DST: variants seen among roughly 807,000 people sequenced by gnomAD.
DST encodes the protein bullous pemphigoid antigen.
DST carries 253 observed loss-of-function variants against 875.2 expected under a neutral mutation model. That is an observed-to-expected ratio of 0.29 (90% CI 0.26 to 0.32). The LOEUF (loss-of-function observed/expected upper bound fraction) is 0.32, where lower values mean the gene tolerates loss of function less well. Among genes scored for constraint, DST ranks in the 10% least tolerant of loss-of-function variants. The pLI is 1.00. For missense variants in DST, 8,287 were observed against 9,111.6 expected, an observed-to-expected ratio of 0.91 and a Z score of 3.68; for synonymous variants, 3,124 against 3,197.1, an observed-to-expected ratio of 0.98 and a Z score of 0.77.
At position 56,610,618 on chromosome 6, in the gene DST, A is replaced by G; in HGVS notation, c.5148-56T>C. The G allele has an allele frequency of 3.5e-6, 5 of 1,439,374 alleles. No individual in the cohort carries two copies. The South Asian group carries it at 6.8e-5, about 19-fold the overall frequency. The allele number at this position is 1,439,374 out of a possible 1,614,324, so 89.2% of individuals were successfully genotyped here. A position where few individuals can be genotyped will look rare whatever the true frequency, so the allele number is the denominator to read the frequency against. On this transcript the variant is annotated intron_variant, in intron 38 of 103. Transcript: ENST00000680361. ...TGCAAGTCGTCCTCAAGAGATAAAG[A>G]TGTATTAGGTTCAATAATTTTGTCA...
At chr6:56,536,552 C>T (rs186547144) in intron 62 of DST, among the ~76,000 whole-genome samples, 141 of 152,192 alleles carry the variant, frequency 9.3e-4, no homozygotes, top group African/African-American at 2.9e-3. Context: ...TGATTAAAGG[C>T]GAGATAACAG....
At chr6:56,574,397 C>T (rs558374301) in intron 50 of DST, among the ~76,000 whole-genome samples, 56 of 152,256 alleles carry the variant, frequency 3.7e-4, no homozygotes, top group Non-Finnish European at 4.9e-4. Flanking sequence ...TTCATACACA[C>T]GCATGCTAAG....
chr6:56,625,477 G>A (rs904598492), intron 34 of DST, among the ~76,000 whole-genome samples: 1 of 152,084 alleles, frequency 6.6e-6, no homozygotes, highest in Non-Finnish European at 1.5e-5. Flanking sequence ...AAGACAGACC[G>A]TATACATGAT....
In DST at chr6:56,603,859, G is replaced by C. The variant is rs747723475; in HGVS notation, c.10769C>G (p.Ser3590Cys). Reference sequence around the variant, plus strand: ...TACTTGTTCGGTTGAGCTATCTCCAGAAGCCATCTCTTTAGACCCTGAAGT... The same window carrying C: ...TACTTGTTCGGTTGAGCTATCTCCACAAGCCATCTCTTTAGACCCTGAAGT... ...ECTSGSKEMA[S>C]GDSSTEQFSS... The change falls in exon 40 of 104, where the codon TCT becomes TGT. Residue 3590 changes from serine to cysteine, a missense_variant. By Grantham distance (112) the Ser-to-Cys change is moderately radical. Around this residue, in one of 10 missense-constraint regions of DST, gnomAD observed 3,138 missense variants for 3,116.6 expected, o/e 1.01. Transcript: ENST00000680361. The C allele has an allele frequency of 5.6e-6, 9 of 1,610,524 alleles. No individual in the cohort carries two copies. In the Admixed American group the frequency reaches 8.4e-5, roughly 15 times the overall value.
At chr6:56,729,676 T>C (rs1033052783) in intron 5 of DST, among the ~76,000 whole-genome samples, 2 of 152,188 alleles carry the variant, frequency 1.3e-5, no homozygotes, top group South Asian at 2.1e-4. Context: ...CTCGATCACT[T>C]TGCAATGGTC....
Position 56,606,519 on chromosome 6 carries a change from A to C in DST, c.8109T>G (p.Gly2703=), listed in dbSNP as rs1188608976. 2 of 1,613,380 alleles carry C rather than the reference A, an allele frequency of 1.2e-6. No homozygotes were observed. The highest frequency in any genetic ancestry group is 1.7e-6 in the Non-Finnish European group (2 of 1,179,580). The change falls in exon 40 of 104, where the codon GGT becomes GGG. Residue 2703 remains glycine (G), a synonymous_variant. Transcript: ENST00000680361. ...CAACAGGATTTAAATGTATTTTTTC[A>C]CCAGAATCTAATTCATCTTTCTCAA... ...MDVEKDELDS[G]EKIHLNPVGS...
chr6:56,825,399 A>G (rs1307458178), intron 4 of DST, among the ~76,000 whole-genome samples: 1 of 148,380 alleles, frequency 6.7e-6, no homozygotes, highest in South Asian at 2.1e-4. Context: ...AAAACCAGAG[A>G]CCTTTGTTCA....
Position 56,755,435 on chromosome 6 carries a change from A to G in DST, c.626-20146T>C, listed in dbSNP as rs2099599602. ...AATAAAATCACACTGCATTGGCAGA[A>G]TACTTTCATGTAATTACCCCACTTT... is the stretch of plus-strand genomic sequence containing the variant. On this transcript the variant is annotated intron_variant, in intron 4 of 103. Coordinates refer to ENST00000680361, the MANE Select transcript of DST (RefSeq NM_001374736.1). 2.0e-5 allele frequency among the ~76,000 whole-genome samples: 3 copies of G among 152,238 alleles called. No homozygotes were observed. In the South Asian group the frequency reaches 6.2e-4, roughly 31 times the overall value.
chr6:56,494,221 T>C (rs371758379), intron 82 of DST, 41 bp from the exon 83 acceptor site: 77 of 1,538,996 alleles, frequency 5.0e-5, no homozygotes, highest in Non-Finnish European at 6.4e-5. Context: ...TTTAAGAAAG[T>C]AAAATTTAAG....
At chr6:56,541,179 T>C (rs1186156860) in intron 61 of DST, 3 of 152,680 alleles carry the variant, frequency 2.0e-5, no homozygotes, top group Admixed American at 6.5e-5. Context: ...CTATGCTCTT[T>C]CTTTTCCGCA....
intron 3 of DST, among the ~76,000 whole-genome samples, chr6:56,857,661 AT>A (rs1437462013): frequency 2.0e-5 from 3 of 152,146 alleles, no homozygotes; most frequent in Non-Finnish European, 4.4e-5. Context: ...AAAACAGAAA[AT>A]TTTTTCTCCA....
At chr6:56,480,959 A>G (rs1411450194) in intron 90 of DST, among the ~76,000 whole-genome samples, 1 of 152,220 alleles carries the variant, frequency 6.6e-6, no homozygotes, top group East Asian at 1.9e-4. Flanking sequence ...AAAATATTGA[A>G]CTGACTCAAA....
intron 5 of DST, among the ~76,000 whole-genome samples, chr6:56,718,201 G>A (rs2099401630): frequency 6.6e-6 from 1 of 152,096 alleles, no homozygotes; most frequent in African/African-American, 2.4e-5. Flanking sequence ...CCCTATCCTA[G>A]GTGACAGAGC....
intron 85 of DST, among the ~76,000 whole-genome samples, chr6:56,490,556 T>C (rs941086539): frequency 6.6e-6 from 1 of 152,098 alleles, no homozygotes; most frequent in African/African-American, 2.4e-5. Context: ...TCTCTGGAGA[T>C]CATCTCATTA....
chr6:56,774,893 G>C (rs554352376), intron 4 of DST, among the ~76,000 whole-genome samples: 2 of 151,612 alleles, frequency 1.3e-5, no homozygotes, highest in African/African-American at 4.8e-5. Context: ...TTGGGAGGCT[G>C]AGGCAGGAGA....
rs751708590 is a variant in DST at position 56,553,416 on chromosome 6, A to C, written c.15376T>G (p.Leu5126Val). Residue 5126 changes from leucine (L) to valine (V), a missense_variant, in exon 61 of 104, where the codon TTA becomes GTA. Physicochemically the swap from Leu to Val is conservative, Grantham distance 32. Transcript: ENST00000680361. The part of the protein sequence containing the change: ...KTIAEGENLL[L>V]KTQGSEKAAL... ...GCCTTCTCAGACCCTTGTGTTTTTA[A>C]TAACAGATTTTCACCTTCTGCAATG... The C allele has an allele frequency of 6.2e-7, 1 of 1,600,980 alleles. No homozygotes were observed. Among genetic ancestry groups the C allele is most frequent in the Non-Finnish European group, 8.5e-7 (1 of 1,175,308 alleles).
At chr6:56,659,675 G>A (rs2099028565) in intron 10 of DST, among the ~76,000 whole-genome samples, 1 of 152,192 alleles carries the variant, frequency 6.6e-6, no homozygotes, top group African/African-American at 2.4e-5. Flanking sequence ...CTCTTCTGAG[G>A]ACTTTGGCCT....
intron 9 of DST, among the ~76,000 whole-genome samples, chr6:56,688,602 A>C (rs546346870): frequency 4.5e-4 from 68 of 152,322 alleles, no homozygotes; most frequent in African/African-American, 1.6e-3. Flanking sequence ...ATTCATTAGC[A>C]ATTCACCAAA....
rs761091641 is a variant in DST, at chr6:56,535,217, G to A, written c.16846C>T (p.Leu5616Phe). The A allele has an allele frequency of 3.7e-6, 6 of 1,613,576 alleles. No individual in the cohort carries two copies. The East Asian group carries it at 1.3e-4, about 36-fold the overall frequency. Reference sequence around the variant, plus strand: ...TCCTCAGTGTCCACCATCCAGCTGAGCAGGGACTCCAGGGCATCCTGGAAC... The same window carrying A: ...TCCTCAGTGTCCACCATCCAGCTGAACAGGGACTCCAGGGCATCCTGGAAC... ...GRFQDALESL[L>F]SWMVDTEELV... The change falls in exon 63 of 104, where the codon CTC becomes TTC. Residue 5616 changes from leucine (L) to phenylalanine (F), a missense_variant. Around this residue, in one of 10 missense-constraint regions of DST, gnomAD observed 777 missense variants for 764.8 expected, o/e 1.02. Transcript: ENST00000680361.
Sources: allele counts gnomAD v4.1 joint callset (sites outside exome capture counted in the v4.1 genomes callset), GRCh38; gene constraint gnomAD v4.1.1; regional missense constraint gnomAD v4.1.1; transcripts MANE v1.5; gene names NCBI Gene and HGNC (gene_info 2026-07-23, HGNC 2026-07-21).